The following ITPR2 variants were observed in gnomAD, a reference collection of about 807,000 sequenced individuals.
ITPR2 encodes inositol 1,4,5-trisphosphate-gated calcium channel ITPR2.
A neutral mutation model predicts 317.1 loss-of-function variants in ITPR2; 207 were observed. The ratio of observed to expected loss-of-function variants is 0.65; its 90% CI spans 0.58 to 0.73. The LOEUF (loss-of-function observed/expected upper bound fraction) is 0.73, where lower values mean the gene tolerates loss of function less well. Among genes scored for constraint, ITPR2 ranks in the 30% least tolerant of loss-of-function variants. ITPR2 has a pLI of 0.00. For synonymous variants in ITPR2, 1,156 were observed against 1,149.1 expected (o/e 1.01, Z -0.12); for missense variants, 2,613 against 3,284.0 (o/e 0.80, Z 4.99).
At chr12:26,710,421 C>A (rs2137020764) in intron 9 of ITPR2, among the ~76,000 whole-genome samples, 1 of 152,290 alleles carries the variant, frequency 6.6e-6, no homozygotes, top group Non-Finnish European at 1.5e-5. Flanking sequence ...ATCTCATATA[C>A]AAATCCTGAA....
intron 55 of ITPR2, among the ~76,000 whole-genome samples, chr12:26,354,528 C>T (rs1938573620): frequency 6.6e-6 from 1 of 152,170 alleles, no homozygotes; most frequent in Non-Finnish European, 1.5e-5. Context: ...CCGGCCAGCT[C>T]ACCAGCTAAT....
intron 5 of ITPR2, among the ~76,000 whole-genome samples, chr12:26,716,620 C>T (rs1948744371): frequency 6.6e-6 from 1 of 151,984 alleles, no homozygotes; most frequent in Non-Finnish European, 1.5e-5. Context: ...GTAATCTATC[C>T]AAATATTAGA....
chr12:26,463,532 G>GCC (rs534538855), intron 45 of ITPR2, among the ~76,000 whole-genome samples: 188 of 152,184 alleles, frequency 1.2e-3, no homozygotes, highest in African/African-American at 4.2e-3. Context: ...GGTCGTGGTG[G>GCC]CATGCACCTG....
At chr12:26,635,792 G>C (rs1209298232) in intron 21 of ITPR2, among the ~76,000 whole-genome samples, 3 of 152,146 alleles carry the variant, frequency 2.0e-5, no homozygotes, top group Non-Finnish European at 4.4e-5. Context: ...TCTAGAACTA[G>C]AGCAGTTTTC....
At chr12:26,548,936 G>A (rs1944455161) in intron 37 of ITPR2, among the ~76,000 whole-genome samples, 1 of 152,214 alleles carries the variant, frequency 6.6e-6, no homozygotes, top group Non-Finnish European at 1.5e-5. Context: ...TTCCTTTGGA[G>A]TAATTCAATA....
chr12:26,735,335 A>G (rs1949102446), intron 2 of ITPR2, among the ~76,000 whole-genome samples: 2 of 152,132 alleles, frequency 1.3e-5, no homozygotes, highest in South Asian at 2.1e-4. Flanking sequence ...TTTGGTCTCA[A>G]CCAGCCTTCT....
chr12:26,772,818 T>C (rs1949896698), intron 2 of ITPR2, among the ~76,000 whole-genome samples: 2 of 151,926 alleles, frequency 1.3e-5, no homozygotes, highest in South Asian at 2.1e-4. Context: ...ACATGTGTCA[T>C]GGTGGTTTGC....
intron 49 of ITPR2, among the ~76,000 whole-genome samples, chr12:26,423,690 T>A (rs1424086010): frequency 6.6e-6 from 1 of 152,192 alleles, no homozygotes; most frequent in African/African-American, 2.4e-5. Context: ...CCCAAATTTA[T>A]AAAATATGTG....
chr12:26,686,408 T>C, intron 11 of ITPR2, 73 bp downstream of exon 11: 1 of 936,920 alleles, frequency 1.1e-6, no homozygotes, highest in Non-Finnish European at 1.5e-6. Flanking sequence ...AATATATTAA[T>C]ATTATTATTT....
intron 46 of ITPR2, 60 bp downstream of exon 46, chr12:26,443,483 A>G (rs188613586): frequency 7.5e-7 from 1 of 1,327,692 alleles, no homozygotes; most frequent in Admixed American, 1.8e-5. Context: ...AATGGTCTAA[A>G]ATAGGAAGTA....
At chr12:26,419,430 T>G (rs939667716) in intron 49 of ITPR2, 12 of 437,934 alleles carry the variant, frequency 2.7e-5, no homozygotes, top group African/African-American at 2.4e-4. Flanking sequence ...GCTTACAAAC[T>G]GGCACGTAAA....
At chr12:26,343,094 G>A (rs934076110) in intron 55 of ITPR2, among the ~76,000 whole-genome samples, 8 of 152,108 alleles carry the variant, frequency 5.3e-5, no homozygotes, top group Non-Finnish European at 7.4e-5. Context: ...GCAGATGCTG[G>A]TGCCACGCTT....
chr12:26,696,995 T>G (rs1263717477), intron 9 of ITPR2, among the ~76,000 whole-genome samples: 1 of 151,922 alleles, frequency 6.6e-6, no homozygotes, highest in Non-Finnish European at 1.5e-5. Context: ...AAGCATGGTG[T>G]GAAGAGAGAA....
At chr12:26,402,834 T>C (rs535379383) in intron 52 of ITPR2, among the ~76,000 whole-genome samples, 1 of 152,304 alleles carries the variant, frequency 6.6e-6, no homozygotes, top group African/African-American at 2.4e-5. Context: ...AATGCCACCT[T>C]GTGGTTACCT....
At chr12:26,757,110 T>A (rs1015974521) in intron 2 of ITPR2, among the ~76,000 whole-genome samples, 3 of 152,134 alleles carry the variant, frequency 2.0e-5, no homozygotes, top group African/African-American at 7.2e-5. Flanking sequence ...GCATGAATGA[T>A]CCACCTCTTG....
rs1939708995 is a variant in ITPR2 at position 26,387,803 on chromosome 12, A to T, written c.7697-209T>A. 2.0e-5 allele frequency among the ~76,000 whole-genome samples: 3 copies of T among 152,180 alleles called. No homozygotes were observed. The South Asian group carries it at 6.2e-4, about 32-fold the overall frequency. Reference sequence around the variant, plus strand: ...ATAGATTTTTTCCCAACTAACATTTATTTTTCCCCATGGATCCTTGGAAAT... The same window carrying T: ...ATAGATTTTTTCCCAACTAACATTTTTTTTTCCCCATGGATCCTTGGAAAT... On this transcript the variant is annotated intron_variant, in intron 54 of 56. Transcript: ENST00000381340.
chr12:26,529,867 C>T (rs930347881), intron 37 of ITPR2, among the ~76,000 whole-genome samples: 1 of 152,152 alleles, frequency 6.6e-6, no homozygotes, highest in African/African-American at 2.4e-5. Context: ...TCATCTGCTC[C>T]CCCTCCAGAA....
intron 16 of ITPR2, among the ~76,000 whole-genome samples, chr12:26,658,394 C>T (rs1057458143): frequency 1.3e-5 from 2 of 152,104 alleles, no homozygotes; most frequent in African/African-American, 4.8e-5. Context: ...CCCACAGCAC[C>T]GTGACTTATG....
intron 37 of ITPR2, among the ~76,000 whole-genome samples, chr12:26,531,238 G>C (rs888368363): frequency 6.6e-6 from 1 of 152,128 alleles, no homozygotes; most frequent in Non-Finnish European, 1.5e-5. Flanking sequence ...GTACAAACAC[G>C]CATAACACAC....
Sources: allele counts gnomAD v4.1 joint callset (sites outside exome capture counted in the v4.1 genomes callset), GRCh38; gene constraint gnomAD v4.1.1; transcripts MANE v1.5; gene names NCBI Gene and HGNC (gene_info 2026-07-23, HGNC 2026-07-21).